CDH13: variants seen among roughly 807,000 people sequenced by gnomAD.
The protein encoded by CDH13 is cadherin-13.
In CDH13, 24 loss-of-function variants were observed where a neutral mutation model predicts 63.8. The observed-to-expected ratio is 0.38, with a 90% CI of 0.27 to 0.53. The LOEUF is 0.53. Among genes scored for constraint, CDH13 ranks in the 20% least tolerant of loss-of-function variants. The pLI is 0.85. For synonymous variants in CDH13, 503 were observed against 355.3 expected (o/e 1.42, Z -4.67); for missense variants, 1,049 against 903.1 (o/e 1.16, Z -2.07).
At chr16:82,695,456 A>G (rs528900977) in intron 1 of CDH13, among the ~76,000 whole-genome samples, 44 of 152,198 alleles carry the variant, frequency 2.9e-4, no homozygotes, top group African/African-American at 9.2e-4. Flanking sequence ...TCTACCATTC[A>G]TGGCAGGGTT....
At position 83,796,062 on chromosome 16, in the gene CDH13, A is replaced by AGGT; in HGVS notation, c.*1033_*1035dup. ...TACAGGCATAAAATAGAGTAAATAC[A>AGGT]GGTAGTTTTAAAAGTACCCTTTTGT... is the stretch of plus-strand genomic sequence containing the variant. On this transcript the variant is annotated 3_prime_UTR_variant, in exon 14 of 14. Transcript: ENST00000567109. The AGGT allele has an allele frequency of 6.5e-6, 1 of 152,788 alleles. No homozygotes were observed. Among genetic ancestry groups the AGGT allele is most frequent in the South Asian group, 2.1e-4 (1 of 4,832 alleles). The allele number at this position is 152,788 out of a possible 1,614,324, so 9.5% of individuals were successfully genotyped here.
intron 4 of CDH13, among the ~76,000 whole-genome samples, chr16:83,160,596 C>A (rs141016777): frequency 3.3e-5 from 5 of 152,188 alleles, no homozygotes; most frequent in Non-Finnish European, 7.3e-5. Flanking sequence ...TCCAAAAGGC[C>A]AGTTCCACAG....
At chr16:82,700,706 C>A (rs187273494) in intron 1 of CDH13, among the ~76,000 whole-genome samples, 215 of 152,098 alleles carry the variant, frequency 1.4e-3, no homozygotes, top group African/African-American at 5.1e-3. Context: ...AGCTTCTCAT[C>A]CTGTTTTGAG....
intron 5 of CDH13, among the ~76,000 whole-genome samples, chr16:83,292,380 G>A (rs2151866905): frequency 6.6e-6 from 1 of 152,198 alleles, no homozygotes; most frequent in Non-Finnish European, 1.5e-5. Context: ...TTTTCCATGT[G>A]GGGACTTTTG....
intron 1 of CDH13, chr16:82,639,345 C>G: frequency 6.6e-7 from 1 of 1,525,060 alleles, no homozygotes; most frequent in Non-Finnish European, 8.8e-7. Flanking sequence ...TCTCCATGTC[C>G]TTGCTTTTGA....
chr16:83,281,376 G>T (rs2089169568), intron 5 of CDH13, among the ~76,000 whole-genome samples: 1 of 152,156 alleles, frequency 6.6e-6, no homozygotes, highest in Non-Finnish European at 1.5e-5. Context: ...GAGCACTTTG[G>T]TCTGGATTAG....
intron 6 of CDH13, among the ~76,000 whole-genome samples, chr16:83,481,184 A>G (rs2073752023): frequency 6.6e-6 from 1 of 152,188 alleles, no homozygotes; most frequent in Non-Finnish European, 1.5e-5. Context: ...TGGAAAGCAC[A>G]CTGTTGCCCT....
chr16:83,736,837 G>T (rs1911583939), intron 10 of CDH13, among the ~76,000 whole-genome samples: 1 of 152,210 alleles, frequency 6.6e-6, no homozygotes, highest in Non-Finnish European at 1.5e-5. Context: ...AGAATTAATG[G>T]CCTCGAACAA....
Position 83,663,923 on chromosome 16 carries a change from G to A in CDH13, c.1102-6867G>A, listed in dbSNP as rs149947419. ...GCCTGTAATGCCAGCAACTTGGGAG[G>A]CCAAGGCAGGAAGATCACTTGAGCC... On this transcript the variant is annotated intron_variant, in intron 8 of 13. Coordinates refer to ENST00000567109, the MANE Select transcript of CDH13 (RefSeq NM_001257.5). Among the ~76,000 whole-genome samples, 112 of 151,918 alleles carry A rather than the reference G, an allele frequency of 7.4e-4. 1 individual carries two copies. Among genetic ancestry groups the A allele is most frequent in the Middle Eastern group, 6.8e-3 (2 of 294 alleles).
At chr16:83,506,634 C>T (rs1484396959) in intron 7 of CDH13, among the ~76,000 whole-genome samples, 1 of 152,204 alleles carries the variant, frequency 6.6e-6, no homozygotes, top group East Asian at 1.9e-4. Context: ...CCTGCGTGGT[C>T]CCCTCCCACA....
At chr16:83,214,768 C>G (rs1490627902) in intron 4 of CDH13, among the ~76,000 whole-genome samples, 1 of 151,972 alleles carries the variant, frequency 6.6e-6, no homozygotes, top group East Asian at 1.9e-4. Context: ...TCATTAAACC[C>G]TCGGCAATGC....
chr16:83,606,973 G>A (rs912894612), intron 8 of CDH13, among the ~76,000 whole-genome samples: 2 of 151,956 alleles, frequency 1.3e-5, no homozygotes, highest in Admixed American at 6.6e-5. Context: ...AGAAGACTAA[G>A]TGACTTCTGC....
At position 82,914,482 on chromosome 16, in the gene CDH13, C is replaced by T. The variant is rs74481653; in HGVS notation, c.157+56009C>T. Among the ~76,000 whole-genome samples the T allele has an allele frequency of 1.8e-3, 270 of 152,294 alleles. 1 individual carries two copies. Among genetic ancestry groups the T allele is most frequent in the African/African-American group, 6.2e-3 (258 of 41,574 alleles). On this transcript the variant is annotated intron_variant, in intron 2 of 13. Coordinates refer to ENST00000567109, the MANE Select transcript of CDH13 (RefSeq NM_001257.5). The stretch of plus-strand genomic sequence containing the variant: ...TTTGTTTTTTCACCTTGACTGACTG[C>T]AAATGTCTCAGTCATGATTCCTGAC...
At chr16:83,152,284 A>G (rs372078230) in intron 4 of CDH13, among the ~76,000 whole-genome samples, 4 of 152,250 alleles carry the variant, frequency 2.6e-5, no homozygotes, top group African/African-American at 9.6e-5. Context: ...CAAGGAAGTC[A>G]TTAATTAAAT....
At chr16:83,130,507 G>T (rs1057499531) in intron 4 of CDH13, among the ~76,000 whole-genome samples, 2 of 152,154 alleles carry the variant, frequency 1.3e-5, no homozygotes, top group African/African-American at 4.8e-5. Context: ...CAAAAATAAG[G>T]TGGACAGAGG....
intron 4 of CDH13, among the ~76,000 whole-genome samples, chr16:83,205,248 C>T (rs1003070331): frequency 6.6e-6 from 1 of 152,154 alleles, no homozygotes; most frequent in African/African-American, 2.4e-5. Context: ...ACACAGCATG[C>T]ATTAAGAAAT....
At chr16:83,769,959 A>G (rs1056107119) in intron 11 of CDH13, among the ~76,000 whole-genome samples, 9 of 152,202 alleles carry the variant, frequency 5.9e-5, no homozygotes, top group African/African-American at 1.9e-4. Flanking sequence ...TACATGACCT[A>G]CTGCAACAAG....
chr16:82,875,091 G>A (rs1358617938), intron 2 of CDH13, among the ~76,000 whole-genome samples: 1 of 152,172 alleles, frequency 6.6e-6, no homozygotes, highest in Non-Finnish European at 1.5e-5. Context: ...CCAAGGTTTT[G>A]TTCATTTTTG....
chr16:82,921,876 C>T (rs1156918506), intron 2 of CDH13, among the ~76,000 whole-genome samples: 1 of 152,038 alleles, frequency 6.6e-6, no homozygotes, highest in African/African-American at 2.4e-5. Flanking sequence ...CTATCTGGGT[C>T]TGAGCTTTTC....
Sources: allele counts gnomAD v4.1 joint callset (sites outside exome capture counted in the v4.1 genomes callset), GRCh38; gene constraint gnomAD v4.1.1; transcripts MANE v1.5; gene names NCBI Gene and HGNC (gene_info 2026-07-23, HGNC 2026-07-21).